The following PCLO variants were observed in gnomAD, a reference collection of about 807,000 sequenced individuals.
PCLO encodes piccolo presynaptic cytomatrix protein, also known as protein piccolo.
PCLO carries 82 observed loss-of-function variants against 427.5 expected under a neutral mutation model. The observed-to-expected ratio is 0.19, with a 90% CI of 0.16 to 0.23. PCLO has a LOEUF of 0.23. Ranked by LOEUF, PCLO falls within the 10% of genes least tolerant of loss-of-function variation. The pLI is 1.00. For missense variants in PCLO, 6,239 were observed against 6,115.9 expected, an observed-to-expected ratio of 1.02 and a Z score of -0.67; for synonymous variants, 2,357 against 2,155.4, an observed-to-expected ratio of 1.09 and a Z score of -2.59.
intron 7 of PCLO, among the ~76,000 whole-genome samples, chr7:82,910,850 C>A (rs575999196): frequency 6.6e-6 from 1 of 152,186 alleles, no homozygotes; most frequent in Middle Eastern, 3.4e-3. Context: ...AAAACAAATT[C>A]ATTATTTAAT....
At chr7:82,883,406 C>A (rs1443252482) in intron 9 of PCLO, among the ~76,000 whole-genome samples, 1 of 151,958 alleles carries the variant, frequency 6.6e-6, no homozygotes, top group Admixed American at 6.6e-5. Flanking sequence ...AGAAAGTAAA[C>A]CAAATTATAT....
intron 3 of PCLO, among the ~76,000 whole-genome samples, chr7:83,062,342 A>C (rs188448480): frequency 1.3e-4 from 20 of 152,308 alleles, no homozygotes; most frequent in Middle Eastern, 3.4e-3. Flanking sequence ...ATAACAGTCA[A>C]TGTTTCTCTA....
rs771360219 is a variant in PCLO, at chr7:83,135,337, G to T, written c.2213C>A (p.Pro738His). The T allele has an allele frequency of 6.2e-7, 1 of 1,613,866 alleles. No individual in the cohort carries two copies. Among genetic ancestry groups the T allele is most frequent in the African/African-American group, 1.3e-5 (1 of 74,920 alleles). The change falls in exon 3 of 25, where the codon CCT becomes CAT. Residue 738 changes from proline to histidine, a missense_variant. Pro to His is a moderately conservative substitution (Grantham distance 77). Transcript: ENST00000333891. ...CTTGTCCTGCTCAGATGGGACAGAA[G>T]GTTCTTTGGGAGGGGCTGGCTTGGA... ...SLSKPAPPKE[P>H]SVPSEQDKAP...
In PCLO at chr7:83,050,273, A is replaced by T. The variant is rs80209869; in HGVS notation, c.3301-83786T>A. 3.6e-3 allele frequency among the ~76,000 whole-genome samples: 29 copies of T among 8,144 alleles called. 1 individual carries two copies. The African/African-American group carries it at 0.12, about 33-fold the overall frequency. The allele number at this position is 8,144 out of a possible 152,430, so 5.3% of individuals were successfully genotyped here. On this transcript the variant is annotated intron_variant, in intron 3 of 24. Coordinates refer to ENST00000333891, the MANE Select transcript of PCLO (RefSeq NM_033026.6). The stretch of plus-strand genomic sequence containing the variant: ...CAAAAAAAACTAGAAGTGCTTTTTA[A>T]AAAAAAAAAAAAAAAACAAAACCAA...
At chr7:82,847,324 A>G in intron 10 of PCLO, 77 bp from the exon 11 acceptor site, 1 of 779,778 alleles carries the variant, frequency 1.3e-6, no homozygotes, top group Non-Finnish European at 2.1e-6. Flanking sequence ...GAAGACATTT[A>G]TTTGCATTTA....
chr7:82,845,324 G>A lies in PCLO; in HGVS notation c.13993C>T (p.Pro4665Ser). ...TSAGSSSVPS[P>S]GQPGSPSVSK... is the part of the protein sequence containing the mutation. ...ACTGAGGGGGACCCTGGTTGCCCAG[G>A]GCTGGGAACGGAACTGGATCCTGCT... Residue 4665 changes from proline (P) to serine (S), a missense_variant, in exon 13 of 25, where the codon CCT becomes TCT. Transcript: ENST00000333891. 6.2e-7 allele frequency: 1 copy of A among 1,613,500 alleles called. No homozygotes were observed. The highest frequency in any genetic ancestry group is 8.5e-7 in the Non-Finnish European group (1 of 1,179,680).
chr7:82,943,245 A>T (rs1281173472), intron 6 of PCLO, among the ~76,000 whole-genome samples: 1 of 152,214 alleles, frequency 6.6e-6, no homozygotes, highest in African/African-American at 2.4e-5. Flanking sequence ...TAGAACAAAA[A>T]GATTTTAATA....
intron 3 of PCLO, among the ~76,000 whole-genome samples, chr7:82,982,591 A>C (rs931805358): frequency 6.6e-6 from 1 of 152,090 alleles, no homozygotes; most frequent in Non-Finnish European, 1.5e-5. Flanking sequence ...ATTAAAACTT[A>C]ATATTGATTT....
intron 3 of PCLO, among the ~76,000 whole-genome samples, chr7:83,122,430 C>T (rs951622967): frequency 2.0e-5 from 3 of 151,928 alleles, no homozygotes; most frequent in Admixed American, 6.6e-5. Context: ...GGATTACAGA[C>T]GTCCACCACC....
At chr7:82,998,954 T>C (rs1317635560) in intron 3 of PCLO, among the ~76,000 whole-genome samples, 1 of 151,544 alleles carries the variant, frequency 6.6e-6, no homozygotes, top group African/African-American at 2.4e-5. Context: ...TAAGAACAGA[T>C]GGACGGTTTG....
chr7:82,822,143 C>T, intron 20 of PCLO: 2 of 1,046,222 alleles, frequency 1.9e-6, no homozygotes, highest in Non-Finnish European at 2.3e-6. Context: ...GCCACTTGTG[C>T]TTATAATTTC....
intron 18 of PCLO, 21 bp from the exon 19 acceptor site, chr7:82,824,437 TA>T: frequency 6.7e-7 from 1 of 1,502,872 alleles, no homozygotes; most frequent in Non-Finnish European, 9.1e-7. Flanking sequence ...GTGTAACAAA[TA>T]AATGAAATTT....
At chr7:82,772,507 G>C (rs1248673013) in intron 22 of PCLO, among the ~76,000 whole-genome samples, 2 of 151,918 alleles carry the variant, frequency 1.3e-5, no homozygotes, top group Non-Finnish European at 2.9e-5. Context: ...GAATAATTCT[G>C]TAAGCTTTCA....
chr7:82,869,516 T>A (rs1285758503), intron 10 of PCLO, among the ~76,000 whole-genome samples: 2 of 151,932 alleles, frequency 1.3e-5, no homozygotes, highest in Non-Finnish European at 2.9e-5. Context: ...AACCAAAGGG[T>A]CAAGAATTGT....
At chr7:82,935,087 A>G (rs974108637) in intron 6 of PCLO, among the ~76,000 whole-genome samples, 1 of 150,896 alleles carries the variant, frequency 6.6e-6, no homozygotes, top group African/African-American at 2.4e-5. Context: ...CTTTCCTAAA[A>G]TAAGGACAAT....
intron 3 of PCLO, among the ~76,000 whole-genome samples, chr7:83,095,508 G>A (rs1287500886): frequency 6.6e-6 from 1 of 151,326 alleles, no homozygotes; most frequent in Non-Finnish European, 1.5e-5. Flanking sequence ...GGTTCTTAAG[G>A]TAGGAGCTTA....
At chr7:82,861,391 G>T (rs1250696155) in intron 10 of PCLO, among the ~76,000 whole-genome samples, 1 of 151,922 alleles carries the variant, frequency 6.6e-6, no homozygotes, top group African/African-American at 2.4e-5. Context: ...AAAGCTATAA[G>T]AAGAGACAAA....
At chr7:82,847,356 T>C in intron 10 of PCLO, 109 bp from the exon 11 acceptor site, 1 of 615,684 alleles carries the variant, frequency 1.6e-6, no homozygotes, top group South Asian at 2.0e-5. Context: ...AGCACACCAT[T>C]TTAGAGAACA....
At chr7:82,848,682 A>G (rs982388304) in intron 10 of PCLO, among the ~76,000 whole-genome samples, 1 of 152,134 alleles carries the variant, frequency 6.6e-6, no homozygotes, top group Admixed American at 6.6e-5. Context: ...ATTGGCTCCA[A>G]TGGGAAATTC....
Sources: allele counts gnomAD v4.1 joint callset (sites outside exome capture counted in the v4.1 genomes callset), GRCh38; gene constraint gnomAD v4.1.1; transcripts MANE v1.5; gene names NCBI Gene and HGNC (gene_info 2026-07-23, HGNC 2026-07-21).